The following AP2B1 variants were observed in gnomAD, a reference collection of about 807,000 sequenced individuals.
AP2B1 encodes adaptor related protein complex 2 subunit beta 1, also known as AP-2 complex subunit beta.
Under a neutral mutation model 102.0 loss-of-function variants are expected in AP2B1, and 23 were observed. The observed-to-expected ratio is 0.23, with a 90% CI of 0.16 to 0.32. The LOEUF (loss-of-function observed/expected upper bound fraction) is 0.32, where lower values mean the gene tolerates loss of function less well. AP2B1 is among the 10% of genes least tolerant of loss of function. The pLI is 1.00. For synonymous variants in AP2B1, 381 were observed against 421.2 expected (o/e 0.90, Z 1.17); for missense variants, 541 against 1,157.4 (o/e 0.47, Z 7.73).
intron 14 of AP2B1, among the ~76,000 whole-genome samples, chr17:35,665,601 G>T (rs1177909471): frequency 6.6e-6 from 1 of 152,108 alleles, no homozygotes; most frequent in Admixed American, 6.5e-5. Flanking sequence ...GTTTGTGAAG[G>T]GAATCATTGT....
intron 21 of AP2B1, among the ~76,000 whole-genome samples, chr17:35,718,380 G>T (rs1402761233): frequency 1.3e-5 from 2 of 150,230 alleles, no homozygotes; most frequent in African/African-American, 4.9e-5. Flanking sequence ...GGCCTATCAA[G>T]TTAGACTTTT....
chr17:35,720,577 T>A (rs1194008484), intron 21 of AP2B1, among the ~76,000 whole-genome samples: 903 of 48,628 alleles, frequency 0.019, 1 homozygote, highest in African/African-American at 0.025. Flanking sequence ...ATATATATTT[T>A]TTTTTTTTTT....
rs190752586 is a variant in AP2B1 at position 35,725,837 on chromosome 17, C to T, written c.*2138C>T. 5 of 152,568 alleles carry T rather than the reference C, an allele frequency of 3.3e-5. No individual in the cohort carries two copies. The highest frequency in any genetic ancestry group is 1.2e-4 in the African/African-American group (5 of 41,550). The allele number at this position is 152,568 out of a possible 1,614,324, so 9.5% of individuals were successfully genotyped here. A position where few individuals can be genotyped will look rare whatever the true frequency, so the allele number is the denominator to read the frequency against. On this transcript the variant is annotated 3_prime_UTR_variant, in exon 22 of 22. Transcript: ENST00000610402. ...TCCTATCAGAATATGTCCCTCAACC[C>T]CCGAAACAAGGCTTCTCTCAGCCTC...
At chr17:35,705,571 G>A (rs1160609401) in intron 18 of AP2B1, among the ~76,000 whole-genome samples, 2 of 152,088 alleles carry the variant, frequency 1.3e-5, no homozygotes, top group East Asian at 3.9e-4. Context: ...GCCCAGGCTG[G>A]AGTGCAGTGG....
intron 18 of AP2B1, among the ~76,000 whole-genome samples, chr17:35,705,596 A>T (rs2076325189): frequency 6.6e-6 from 1 of 152,046 alleles, no homozygotes; most frequent in South Asian, 2.1e-4. Flanking sequence ...ATCTCAGCTC[A>T]CTGCAGCCTC....
chr17:35,683,168 G>A (rs1034283058), intron 18 of AP2B1, among the ~76,000 whole-genome samples: 1 of 152,100 alleles, frequency 6.6e-6, no homozygotes, highest in Non-Finnish European at 1.5e-5. Flanking sequence ...ATGAGCCACC[G>A]CGCCTCGCCC....
At chr17:35,694,574 A>G (rs1442357689) in intron 18 of AP2B1, among the ~76,000 whole-genome samples, 1 of 152,020 alleles carries the variant, frequency 6.6e-6, no homozygotes, top group African/African-American at 2.4e-5. Flanking sequence ...ATGTATTTTT[A>G]AAGTTTAACA....
chr17:35,627,022 A>G (rs542803634), intron 7 of AP2B1, among the ~76,000 whole-genome samples, 180 bp downstream of exon 7: 7 of 152,296 alleles, frequency 4.6e-5, no homozygotes, highest in South Asian at 2.1e-4. Flanking sequence ...CAGTGTTTCT[A>G]TAATAAATGC....
chr17:35,691,854 A>G (rs1334610228), intron 18 of AP2B1, among the ~76,000 whole-genome samples: 2 of 152,272 alleles, frequency 1.3e-5, no homozygotes, highest in African/African-American at 4.8e-5. Context: ...CCAGTTTGAC[A>G]TATTCTTCAT....
At chr17:35,692,898 G>T (rs2076066959) in intron 18 of AP2B1, among the ~76,000 whole-genome samples, 1 of 151,954 alleles carries the variant, frequency 6.6e-6, no homozygotes, top group South Asian at 2.1e-4. Flanking sequence ...AAATCAGTGT[G>T]TACATGAATA....
At chr17:35,659,908 A>G (rs1002924621) in intron 14 of AP2B1, 4 of 985,298 alleles carry the variant, frequency 4.1e-6, no homozygotes, top group Admixed American at 1.2e-4. Flanking sequence ...CAGAGAATCA[A>G]GGTTCCTTTT....
At chr17:35,596,884 G>A (rs1328705654) in intron 2 of AP2B1, 11 of 697,590 alleles carry the variant, frequency 1.6e-5, no homozygotes, top group South Asian at 6.8e-5. Flanking sequence ...ATGCTGCTTC[G>A]TGATCCATGT....
chr17:35,597,217 G>A, intron 2 of AP2B1: 1 of 421,988 alleles, frequency 2.4e-6, no homozygotes, highest in Non-Finnish European at 4.4e-6. Flanking sequence ...AGTCTTTTGA[G>A]GCAGTATGGT....
intron 9 of AP2B1, among the ~76,000 whole-genome samples, chr17:35,635,634 G>A (rs181851904): frequency 6.6e-6 from 1 of 152,000 alleles, no homozygotes; most frequent in Admixed American, 6.5e-5. Context: ...CAGCTGCCTC[G>A]GCCTCCCAAA....
Position 35,706,936 on chromosome 17 carries a change from G to A in AP2B1, c.2455-2288G>A, listed in dbSNP as rs370705227. Among the ~76,000 whole-genome samples the A allele has an allele frequency of 9.9e-4, 150 of 152,242 alleles. 2 individuals carry two copies. Among genetic ancestry groups the A allele is most frequent in the African/African-American group, 3.3e-3 (136 of 41,536 alleles). ...CAAAGTGCTGGGCTTACAGGCATGA[G>A]CCACCACACCCGGCCCCAGTTTTCA... On this transcript the variant is annotated intron_variant, in intron 18 of 21. Coordinates refer to ENST00000610402, the MANE Select transcript of AP2B1 (RefSeq NM_001030006.2).
chr17:35,682,820 T>C lies in AP2B1; in HGVS notation c.2450T>C (p.Leu817Pro). The C allele has an allele frequency of 6.2e-7, 1 of 1,609,898 alleles. No homozygotes were observed. The change falls in exon 18 of 22, where the codon CTC (leucine) becomes CCC (proline). Residue 817 changes from leucine to proline, a missense_variant. By Grantham distance (98) the Leu-to-Pro change is moderately conservative (BLOSUM62 -3). Coordinates refer to ENST00000610402, the MANE Select transcript of AP2B1 (RefSeq NM_001030006.2). ...PVMKMEPLNN[L>P]QVAVKNNIDV... The stretch of plus-strand genomic sequence containing the variant: ...ATGAAGATGGAACCTCTGAATAACC[T>C]CCAGGTCAGAGATTTACTTCACTCA...
At chr17:35,689,431 G>A (rs1295693710) in intron 18 of AP2B1, among the ~76,000 whole-genome samples, 1 of 152,098 alleles carries the variant, frequency 6.6e-6, no homozygotes, top group Non-Finnish European at 1.5e-5. Context: ...CCGCCCTTGT[G>A]GGATTACAGG....
At chr17:35,722,808 T>A (rs1555593595) in intron 21 of AP2B1, among the ~76,000 whole-genome samples, 1 of 152,234 alleles carries the variant, frequency 6.6e-6, no homozygotes, top group African/African-American at 2.4e-5. Context: ...TATATTATTG[T>A]TAATAATATT....
intron 18 of AP2B1, among the ~76,000 whole-genome samples, chr17:35,688,673 T>C (rs2075983424): frequency 6.6e-6 from 1 of 152,154 alleles, no homozygotes; most frequent in African/African-American, 2.4e-5. Context: ...TTTAAAACCT[T>C]GTTTATGGGA....
Sources: gnomAD v4.1 joint callset for allele counts (sites outside exome capture counted in the v4.1 genomes callset) on GRCh38, gnomAD v4.1.1 for gene constraint, MANE v1.5 for transcripts, NCBI Gene and HGNC (gene_info 2026-07-23, HGNC 2026-07-21) for gene names.